SLC6A15: variants seen among roughly 807,000 people sequenced by gnomAD.
The protein encoded by SLC6A15 is solute carrier family 6 member 15, also known as sodium-dependent neutral amino acid transporter B(0)AT2.
In SLC6A15, 33 loss-of-function variants were observed where a neutral mutation model predicts 68.5. The ratio of observed to expected loss-of-function variants is 0.48; its 90% confidence interval spans 0.37 to 0.64. The LOEUF (loss-of-function observed/expected upper bound fraction) is 0.64, where lower values mean the gene tolerates loss of function less well. SLC6A15 is among the 30% of genes least tolerant of loss of function. The pLI is 0.00. For synonymous variants in SLC6A15, 347 were observed against 301.0 expected (o/e 1.15, Z -1.58); for missense variants, 747 against 874.3 (o/e 0.85, Z 1.84).
In SLC6A15 at chr12:84,891,975, G is replaced by C; in HGVS notation, c.146C>G (p.Thr49Arg). ...GACTTCAGATCCTTCTTCAACATCT[G>C]TATCTTTCTCTTCCTGGCCATCAAC... ...LIVDGQEEKD[T>R]DVEEGSEVED... Residue 49 changes from threonine to arginine, a missense_variant, in exon 2 of 12, where the codon ACA becomes AGA. Transcript: ENST00000266682. 1 of 1,613,868 alleles carries C rather than the reference G, an allele frequency of 6.2e-7. No homozygotes were observed. The highest frequency in any genetic ancestry group is 8.5e-7 in the Non-Finnish European group (1 of 1,179,960).
intron 5 of SLC6A15, 195 bp downstream of exon 5, chr12:84,883,664 C>T: frequency 6.7e-7 from 1 of 1,498,420 alleles, no homozygotes; most frequent in Non-Finnish European, 8.9e-7. Context: ...TTAGATTTCA[C>T]TATAAAACAC....
At chr12:84,903,616 G>T (rs113540148) in intron 1 of SLC6A15, among the ~76,000 whole-genome samples, 6,196 of 152,004 alleles carry the variant, frequency 0.041, 393 homozygotes, top group African/African-American at 0.14. Context: ...GTTTCTGGTG[G>T]CTGCTGGCAT....
intron 5 of SLC6A15, 153 bp downstream of exon 5, chr12:84,883,706 A>G: frequency 6.4e-7 from 1 of 1,564,832 alleles, no homozygotes; most frequent in South Asian, 1.2e-5. Context: ...AAATGTAAGC[A>G]CACTTTTGAA....
At chr12:84,900,624 A>T (rs1241314518) in intron 1 of SLC6A15, among the ~76,000 whole-genome samples, 1 of 151,698 alleles carries the variant, frequency 6.6e-6, no homozygotes. Flanking sequence ...GTTACTTTAT[A>T]TTCCTAGTTC....
At chr12:84,884,162 G>T in intron 4 of SLC6A15, 122 bp from the exon 5 acceptor site, 1 of 719,068 alleles carries the variant, frequency 1.4e-6, no homozygotes, top group Admixed American at 2.8e-5. Flanking sequence ...CCATTGTATA[G>T]CAGCATGTAA....
At chr12:84,883,420 T>G (rs986475851) in intron 5 of SLC6A15, 1 of 1,059,024 alleles carries the variant, frequency 9.4e-7, no homozygotes, top group Non-Finnish European at 1.1e-6. Flanking sequence ...TCAAAATGTC[T>G]TATGCAGCTA....
chr12:84,872,591 G>T lies in SLC6A15; in HGVS notation c.1302+11C>A. 1 of 1,598,420 alleles carries T rather than the reference G, an allele frequency of 6.3e-7. No individual in the cohort carries two copies. ...GATAATTATTTTATTGCTCAAACAT[G>T]GCTTACTAACTTTATTTAGCTCTTC... On this transcript the variant is annotated intron_variant, in intron 8 of 11. Transcript: ENST00000266682.
chr12:84,893,547 T>A (rs899259859), intron 1 of SLC6A15, among the ~76,000 whole-genome samples: 1 of 152,178 alleles, frequency 6.6e-6, no homozygotes, highest in Non-Finnish European at 1.5e-5. Flanking sequence ...AAAATATGAC[T>A]GCTTCTCTTC....
intron 1 of SLC6A15, among the ~76,000 whole-genome samples, chr12:84,911,568 G>C (rs1261527433): frequency 6.6e-6 from 1 of 152,180 alleles, no homozygotes; most frequent in African/African-American, 2.4e-5. Flanking sequence ...CTGCTTCTCA[G>C]CTCAGGAAAA....
At chr12:84,862,550 A>G (rs1017970171) in intron 11 of SLC6A15, among the ~76,000 whole-genome samples, 2 of 152,288 alleles carry the variant, frequency 1.3e-5, no homozygotes, top group East Asian at 1.9e-4. Flanking sequence ...TATTAACCAT[A>G]GGATAGTTAA....
chr12:84,883,762 G>A, intron 5 of SLC6A15, 97 bp downstream of exon 5: 2 of 1,613,508 alleles, frequency 1.2e-6, no homozygotes, highest in Non-Finnish European at 1.7e-6. Context: ...GAAGTGTTAT[G>A]TGTGATTTGC....
chr12:84,894,866 A>G (rs1455606155), intron 1 of SLC6A15, among the ~76,000 whole-genome samples: 2 of 152,102 alleles, frequency 1.3e-5, no homozygotes, highest in Non-Finnish European at 2.9e-5. Context: ...TATATCATAA[A>G]CACTTTGAAT....
At chr12:84,907,086 A>C (rs1873199010) in intron 1 of SLC6A15, among the ~76,000 whole-genome samples, 1 of 152,158 alleles carries the variant, frequency 6.6e-6, no homozygotes, top group South Asian at 2.1e-4. Flanking sequence ...GCGGTGGCTC[A>C]CGCCTGTAAT....
rs12424429 is a variant in SLC6A15, at chr12:84,872,705, G to A, written c.1199C>T (p.Ala400Val). Reference protein sequence around the residue: ...PHHINLSTVTAEDYHLVYDII... With the variant: ...PHHINLSTVTVEDYHLVYDII... ...GTCATAAACTAAATGATAATCTTCTGCAGTAACAGTTGAAAGGTTGATATG... is the reference window on the plus strand; with the variant it reads ...GTCATAAACTAAATGATAATCTTCTACAGTAACAGTTGAAAGGTTGATATG... Residue 400 changes from alanine to valine, a missense_variant, in exon 8 of 12, where the codon GCA (alanine) becomes GTA (valine). Transcript: ENST00000266682. 0.012 allele frequency: 19,822 copies of A among 1,612,382 alleles called. 248 individuals are homozygous for A. The highest frequency in any genetic ancestry group is 0.056 in the Admixed American group (3,362 of 59,862).
intron 2 of SLC6A15, among the ~76,000 whole-genome samples, chr12:84,886,677 TTTTG>T (rs1872119610): frequency 6.6e-6 from 1 of 151,756 alleles, no homozygotes; most frequent in African/African-American, 2.4e-5. Context: ...CACAAATAGA[TTTTG>T]TTTTCCAAAA....
At chr12:84,896,898 A>G (rs968427491) in intron 1 of SLC6A15, among the ~76,000 whole-genome samples, 2 of 152,222 alleles carry the variant, frequency 1.3e-5, no homozygotes, top group African/African-American at 4.8e-5. Context: ...GTCACATTAG[A>G]AGCAACTGAA....
chr12:84,910,923 C>A (rs1446197689), intron 1 of SLC6A15, among the ~76,000 whole-genome samples: 1 of 131,640 alleles, frequency 7.6e-6, no homozygotes, highest in Non-Finnish European at 1.5e-5. Flanking sequence ...GAGCCGCCCT[C>A]TTTCCGTGTG....
intron 8 of SLC6A15, among the ~76,000 whole-genome samples, chr12:84,871,133 T>TTA (rs527535085): frequency 0.023 from 3,481 of 150,456 alleles, 117 homozygotes; most frequent in African/African-American, 0.075. Context: ...TCAATTGTTG[T>TTA]TATATATATA....
Position 84,884,044 on chromosome 12 carries a change from T to C in SLC6A15, c.575-4A>G. ...TGTTCACATTCTGGTTCTACAACTG[T>C]AGAAAGAAAAGTAACACACAATTAT... On this transcript the variant is annotated splice_region_variant and splice_polypyrimidine_tract_variant and intron_variant, in intron 4 of 11. Coordinates refer to ENST00000266682, the MANE Select transcript of SLC6A15 (RefSeq NM_182767.6). 6.2e-7 allele frequency: 1 copy of C among 1,606,728 alleles called. No homozygotes were observed. Among genetic ancestry groups the C allele is most frequent in the East Asian group, 2.2e-5 (1 of 44,814 alleles).
Sources: gnomAD v4.1 joint callset for allele counts (sites outside exome capture counted in the v4.1 genomes callset) on GRCh38, gnomAD v4.1.1 for gene constraint, MANE v1.5 for transcripts, NCBI Gene and HGNC (gene_info 2026-07-23, HGNC 2026-07-21) for gene names.